HMGN3: variants seen among roughly 807,000 people sequenced by gnomAD.
HMGN3 encodes the protein high mobility group nucleosome-binding domain-containing protein 3.
Under a neutral mutation model 18.8 loss-of-function variants are expected in HMGN3, and 6 were observed. The ratio of observed to expected loss-of-function variants is 0.32; its 90% CI spans 0.18 to 0.63. The LOEUF (loss-of-function observed/expected upper bound fraction) is 0.63. Among genes scored for constraint, HMGN3 ranks in the 30% least tolerant of loss-of-function variants. The pLI is 0.79. For missense variants in HMGN3, 107 were observed against 114.2 expected (o/e 0.94, Z 0.29); for synonymous variants, 40 against 36.5 (o/e 1.10, Z -0.35).
chr6:79,232,513 A>C (rs1259103766), intron 1 of HMGN3, among the ~76,000 whole-genome samples: 1 of 152,150 alleles, frequency 6.6e-6, no homozygotes, highest in African/African-American at 2.4e-5. Flanking sequence ...TTTTGCCCCT[A>C]GTCTCAGGAC....
intron 3 of HMGN3, among the ~76,000 whole-genome samples, chr6:79,205,139 G>A (rs1776355032): frequency 6.6e-6 from 1 of 152,164 alleles, no homozygotes; most frequent in African/African-American, 2.4e-5. Context: ...CTGGTTTCTG[G>A]TGCTCAGGAA....
rs1472642841 is a variant in HMGN3, at chr6:79,213,805, T to C, written c.66+1167A>G. 2.0e-5 allele frequency among the ~76,000 whole-genome samples: 3 copies of C among 152,358 alleles called. No homozygotes were observed. In the East Asian group the frequency reaches 5.8e-4, roughly 29 times the overall value. On this transcript the variant is annotated intron_variant, in intron 2 of 5. Transcript: ENST00000344726. ...GTTTTGGTATCACGATAAACTCCTCTGAATTATTAACCACATTATGAATCA... is the reference window on the plus strand; with the variant it reads ...GTTTTGGTATCACGATAAACTCCTCCGAATTATTAACCACATTATGAATCA...
chr6:79,219,530 T>C (rs1582428501), intron 1 of HMGN3, among the ~76,000 whole-genome samples: 1 of 152,152 alleles, frequency 6.6e-6, no homozygotes, highest in East Asian at 1.9e-4. Flanking sequence ...AATATACTAA[T>C]AAATTTAATT....
intron 1 of HMGN3, among the ~76,000 whole-genome samples, chr6:79,220,204 A>C (rs566720421): frequency 1.2e-4 from 19 of 152,352 alleles, no homozygotes; most frequent in Admixed American, 3.3e-4. Context: ...GTTACCATTA[A>C]AAAATGTAAG....
chr6:79,202,126 GACAT>G (rs751469897), intron 5 of HMGN3: 8 of 1,551,370 alleles, frequency 5.2e-6, no homozygotes, highest in Non-Finnish European at 6.9e-6. Flanking sequence ...TGGAGGTTGA[GACAT>G]TAACAGTTGA....
intron 1 of HMGN3, among the ~76,000 whole-genome samples, chr6:79,215,398 C>T: frequency 6.6e-6 from 1 of 152,246 alleles, no homozygotes; most frequent in East Asian, 1.9e-4. Context: ...GTTCCAGTCA[C>T]TCCATTCCTT....
In HMGN3 at chr6:79,203,893, G is replaced by A. The variant is rs144644062; in HGVS notation, c.97-263C>T. Among the ~76,000 whole-genome samples the A allele has an allele frequency of 7.9e-5, 12 of 152,268 alleles. 1 individual carries two copies. The highest frequency in any genetic ancestry group is 2.4e-4 in the African/African-American group (10 of 41,546). On this transcript the variant is annotated intron_variant, in intron 3 of 5. Transcript: ENST00000344726. ...ATTCCCTGGTCCAGAATAGCTCTCC[G>A]GGAACAGGTCTAAGCTTCTATCTCC...
intron 1 of HMGN3, among the ~76,000 whole-genome samples, chr6:79,224,860 A>G (rs990043365): frequency 6.6e-6 from 1 of 152,220 alleles, no homozygotes; most frequent in African/African-American, 2.4e-5. Flanking sequence ...TCGGACATAC[A>G]TTAACTTCTG....
intron 1 of HMGN3, among the ~76,000 whole-genome samples, chr6:79,221,076 T>C (rs1302021904): frequency 6.6e-6 from 1 of 152,198 alleles, no homozygotes; most frequent in Admixed American, 6.5e-5. Flanking sequence ...ATATTATCCA[T>C]ACTGGGGAGA....
At position 79,211,011 on chromosome 6, in the gene HMGN3, C is replaced by CAAAAAAAAAAAAA. The variant is rs59749044; in HGVS notation, c.67-2448_67-2436dup. Among the ~76,000 whole-genome samples the CAAAAAAAAAAAAA allele has an allele frequency of 5.6e-5, 5 of 89,742 alleles. 1 individual carries two copies. The highest frequency in any genetic ancestry group is 4.2e-5 in the Non-Finnish European group (2 of 47,250). 58.9% of individuals were successfully genotyped at this position (89,742 alleles called of 152,430 possible). ...AAATAAAAAGCCTCGGAAATTAATG[C>CAAAAAAAAAAAAA]AAAAAAAAAAAAAAAAAAAAAATGC... On this transcript the variant is annotated intron_variant, in intron 2 of 5. Coordinates refer to ENST00000344726, the Ensembl canonical transcript of HMGN3.
chr6:79,227,109 T>A (rs1482797327), intron 1 of HMGN3, among the ~76,000 whole-genome samples: 1 of 152,232 alleles, frequency 6.6e-6, no homozygotes, highest in Admixed American at 6.5e-5. Flanking sequence ...TCAGTCACCA[T>A]TTCCAAATTG....
intron 1 of HMGN3, among the ~76,000 whole-genome samples, chr6:79,225,377 G>T (rs890759881): frequency 6.6e-6 from 1 of 152,082 alleles, no homozygotes; most frequent in Non-Finnish European, 1.5e-5. Context: ...TAAAACATTA[G>T]TCAACTGGTA....
At chr6:79,219,860 A>C (rs1003040228) in intron 1 of HMGN3, among the ~76,000 whole-genome samples, 3 of 152,214 alleles carry the variant, frequency 2.0e-5, no homozygotes, top group African/African-American at 7.2e-5. Context: ...TTTTATCAGG[A>C]ACATCTAATC....
chr6:79,234,252 G>C (rs1250370823), intron 1 of HMGN3: 1 of 335,632 alleles, frequency 3.0e-6, no homozygotes. Context: ...ATGGAAAGCC[G>C]CTTTTGCTTC....
At chr6:79,211,465 GT>G (rs58861121) in intron 2 of HMGN3, among the ~76,000 whole-genome samples, 119,907 of 135,374 alleles carry the variant, frequency 0.89, 53,266 homozygotes, top group East Asian at 0.99. Context: ...AATTTCTCTT[GT>G]TTTTTTTTTT....
chr6:79,230,363 C>A (rs77591509), intron 1 of HMGN3, among the ~76,000 whole-genome samples: 1 of 152,070 alleles, frequency 6.6e-6, no homozygotes, highest in Non-Finnish European at 1.5e-5. Context: ...ACAATGGTTG[C>A]GCAACTCTAT....
chr6:79,220,855 T>C (rs1469459359), intron 1 of HMGN3, among the ~76,000 whole-genome samples: 2 of 152,184 alleles, frequency 1.3e-5, no homozygotes, highest in Non-Finnish European at 2.9e-5. Context: ...AAATTCGTGA[T>C]GATGGTTATC....
chr6:79,231,134 A>G (rs1408290460), intron 1 of HMGN3, among the ~76,000 whole-genome samples: 2 of 152,248 alleles, frequency 1.3e-5, no homozygotes. Context: ...CTAGACATTT[A>G]AAATAGTTCT....
intron 1 of HMGN3, among the ~76,000 whole-genome samples, chr6:79,224,958 G>A (rs6926006): frequency 0.015 from 2,265 of 152,218 alleles, 59 homozygotes; most frequent in African/African-American, 0.051. Flanking sequence ...GGTTGCTTAG[G>A]ACAAATAAAA....
Sources: allele counts gnomAD v4.1 joint callset (sites outside exome capture counted in the v4.1 genomes callset), GRCh38; gene constraint gnomAD v4.1.1; transcripts MANE v1.5; gene names NCBI Gene and HGNC (gene_info 2026-07-23, HGNC 2026-07-21).